Variants in RGS7BP observed in about 807,000 individuals in gnomAD.
RGS7BP encodes the protein regulator of G protein signaling 7 binding protein, also known as regulator of G protein signaling 7-binding protein.
In RGS7BP, 9 loss-of-function variants were observed where a neutral mutation model predicts 31.3. The ratio of observed to expected loss-of-function variants is 0.29; its 90% CI spans 0.17 to 0.50. The LOEUF (loss-of-function observed/expected upper bound fraction) is 0.50, where lower values mean the gene tolerates loss of function less well. Ranked by LOEUF, RGS7BP falls within the 20% of genes least tolerant of loss-of-function variation. The pLI is 0.98. For synonymous variants in RGS7BP, 115 were observed against 120.1 expected (o/e 0.96, Z 0.28); for missense variants, 274 against 322.0 (o/e 0.85, Z 1.14).
intron 3 of RGS7BP, among the ~76,000 whole-genome samples, chr5:64,578,615 C>A (rs1210512431): frequency 2.0e-5 from 3 of 152,188 alleles, no homozygotes; most frequent in Admixed American, 2.0e-4. Flanking sequence ...AACTTCCAAG[C>A]CCTTACCATG....
At chr5:64,515,196 T>C (rs1413146250) in intron 2 of RGS7BP, among the ~76,000 whole-genome samples, 4 of 152,348 alleles carry the variant, frequency 2.6e-5, no homozygotes, top group African/African-American at 9.6e-5. Flanking sequence ...AGAAGCCATG[T>C]CTTGATACCA....
chr5:64,566,310 A>G (rs1337952281), intron 2 of RGS7BP, among the ~76,000 whole-genome samples: 1 of 152,140 alleles, frequency 6.6e-6, no homozygotes, highest in Non-Finnish European at 1.5e-5. Context: ...CAGCAAGGGA[A>G]ATGCAGCATA....
intron 5 of RGS7BP, among the ~76,000 whole-genome samples, chr5:64,600,079 T>G (rs1183228567): frequency 6.6e-6 from 1 of 152,176 alleles, no homozygotes; most frequent in Non-Finnish European, 1.5e-5. Context: ...AGACCACGTG[T>G]AGTGTATATG....
intron 2 of RGS7BP, among the ~76,000 whole-genome samples, chr5:64,551,105 T>C (rs778250231): frequency 6.6e-6 from 1 of 151,790 alleles, no homozygotes; most frequent in East Asian, 1.9e-4. Flanking sequence ...CACAAGTCAT[T>C]TCTACCTACT....
At chr5:64,534,829 T>C (rs1019707409) in intron 2 of RGS7BP, among the ~76,000 whole-genome samples, 1 of 152,196 alleles carries the variant, frequency 6.6e-6, no homozygotes, top group African/African-American at 2.4e-5. Context: ...TATTTAAAAC[T>C]TTCGGACTGG....
At chr5:64,567,755 T>C (rs193246729) in intron 2 of RGS7BP, among the ~76,000 whole-genome samples, 394 of 152,330 alleles carry the variant, frequency 2.6e-3, no homozygotes, top group African/African-American at 8.7e-3. Flanking sequence ...AGCTAAATAC[T>C]ATTTAAATAA....
intron 2 of RGS7BP, among the ~76,000 whole-genome samples, chr5:64,532,228 G>C (rs1749388496): frequency 6.6e-6 from 1 of 151,988 alleles, no homozygotes; most frequent in South Asian, 2.1e-4. Flanking sequence ...GCTAAACAAT[G>C]ACTTGATGTT....
chr5:64,525,363 T>C (rs1030608643), intron 2 of RGS7BP, among the ~76,000 whole-genome samples: 3 of 152,196 alleles, frequency 2.0e-5, no homozygotes, highest in Non-Finnish European at 4.4e-5. Context: ...TCTTATGAAG[T>C]CCCTTACAGG....
chr5:64,528,207 G>A (rs535307178), intron 2 of RGS7BP, among the ~76,000 whole-genome samples: 81 of 152,242 alleles, frequency 5.3e-4, no homozygotes, highest in African/African-American at 1.8e-3. Context: ...GGGTCCTGGC[G>A]GGGCTGCCCT....
At chr5:64,573,542 G>GATTT in intron 2 of RGS7BP, 1 of 145,504 alleles carries the variant, frequency 6.9e-6, no homozygotes, top group East Asian at 1.9e-4. Flanking sequence ...AGGTTTTAAA[G>GATTT]GTTTTAAAAA....
At chr5:64,514,220 A>G (rs1748913932) in intron 2 of RGS7BP, among the ~76,000 whole-genome samples, 1 of 152,198 alleles carries the variant, frequency 6.6e-6, no homozygotes, top group Non-Finnish European at 1.5e-5. Context: ...ATTCTACTCC[A>G]GTATGAACTC....
chr5:64,510,394 T>G (rs753628523), intron 2 of RGS7BP, among the ~76,000 whole-genome samples: 1 of 152,208 alleles, frequency 6.6e-6, no homozygotes, highest in Non-Finnish European at 1.5e-5. Flanking sequence ...TGATAAAATA[T>G]AAACTAACCT....
At chr5:64,516,303 C>T (rs948520480) in intron 2 of RGS7BP, among the ~76,000 whole-genome samples, 9 of 152,080 alleles carry the variant, frequency 5.9e-5, no homozygotes, top group African/African-American at 2.2e-4. Flanking sequence ...CTTGAAGTGC[C>T]CCCACCCCTA....
At chr5:64,525,196 G>A (rs1360125051) in intron 2 of RGS7BP, among the ~76,000 whole-genome samples, 6 of 151,966 alleles carry the variant, frequency 3.9e-5, no homozygotes, top group South Asian at 2.1e-4. Flanking sequence ...GCAGATAGGC[G>A]TATGCAAATA....
intron 2 of RGS7BP, among the ~76,000 whole-genome samples, chr5:64,556,086 G>T (rs1190171794): frequency 6.6e-6 from 1 of 151,888 alleles, no homozygotes; most frequent in African/African-American, 2.4e-5. Flanking sequence ...ACTTTAAATT[G>T]TTCCTCAATG....
intron 4 of RGS7BP, among the ~76,000 whole-genome samples, chr5:64,596,269 A>G (rs1743065377): frequency 6.6e-6 from 1 of 152,222 alleles, no homozygotes; most frequent in South Asian, 2.1e-4. Flanking sequence ...AGGTGGGCAC[A>G]GTGGACCTGG....
chr5:64,534,104 T>G (rs1749443612), intron 2 of RGS7BP, among the ~76,000 whole-genome samples: 1 of 152,124 alleles, frequency 6.6e-6, no homozygotes, highest in Admixed American at 6.5e-5. Flanking sequence ...AAAGTCCTTT[T>G]TGGGAAGATG....
At chr5:64,562,113 G>C (rs1057135986) in intron 2 of RGS7BP, among the ~76,000 whole-genome samples, 8 of 152,226 alleles carry the variant, frequency 5.3e-5, no homozygotes, top group Middle Eastern at 3.4e-3. Flanking sequence ...TTTACAATAG[G>C]TTATCATCAA....
At chr5:64,540,918 C>A (rs996775916) in intron 2 of RGS7BP, among the ~76,000 whole-genome samples, 2 of 152,180 alleles carry the variant, frequency 1.3e-5, no homozygotes, top group South Asian at 4.1e-4. Context: ...AACAGAGTGA[C>A]CCAGTTCTAG....
Sources: allele counts gnomAD v4.1 joint callset (sites outside exome capture counted in the v4.1 genomes callset), GRCh38; gene constraint gnomAD v4.1.1; transcripts MANE v1.5; gene names NCBI Gene and HGNC (gene_info 2026-07-23, HGNC 2026-07-21).